VEPH1: variants seen among roughly 807,000 people sequenced by gnomAD.
VEPH1 encodes ventricular zone expressed PH domain containing 1.
A neutral mutation model predicts 85.2 loss-of-function variants in VEPH1; 80 were observed. The observed-to-expected ratio is 0.94, with a 90% confidence interval of 0.78 to 1.13. VEPH1 has a LOEUF of 1.13. VEPH1 is among the 50% of genes most tolerant of loss of function. The pLI is 0.00. For missense variants in VEPH1, 955 were observed against 980.5 expected, an observed-to-expected ratio of 0.97 and a Z score of 0.35; for synonymous variants, 297 against 348.0, an observed-to-expected ratio of 0.85 and a Z score of 1.63.
intron 12 of VEPH1, among the ~76,000 whole-genome samples, chr3:157,282,887 C>T (rs1716319073): frequency 6.6e-6 from 1 of 152,244 alleles, no homozygotes; most frequent in South Asian, 2.1e-4. Flanking sequence ...CTGCAATAAA[C>T]ACCACCAGGC....
chr3:157,410,318 T>C (rs1207490872), intron 6 of VEPH1, among the ~76,000 whole-genome samples: 2 of 152,142 alleles, frequency 1.3e-5, no homozygotes, highest in African/African-American at 4.8e-5. Context: ...GCTTTCCACA[T>C]AGAAAGTGGT....
intron 12 of VEPH1, among the ~76,000 whole-genome samples, chr3:157,265,948 C>T (rs1713581718): frequency 6.6e-6 from 1 of 151,146 alleles, no homozygotes. Flanking sequence ...GGATATTTAG[C>T]TTTCTGTGCT....
At chr3:157,354,122 G>A (rs762527960) in intron 9 of VEPH1, among the ~76,000 whole-genome samples, 3 of 152,088 alleles carry the variant, frequency 2.0e-5, no homozygotes, top group Middle Eastern at 3.2e-3. Context: ...CCAATGTGTC[G>A]CTGTGGTGAG....
intron 6 of VEPH1, among the ~76,000 whole-genome samples, chr3:157,393,455 A>C (rs1470495415): frequency 6.6e-6 from 1 of 152,190 alleles, no homozygotes; most frequent in Non-Finnish European, 1.5e-5. Context: ...AATTGTTATT[A>C]TTAGTATTAT....
At chr3:157,316,512 A>C (rs1720768812) in intron 10 of VEPH1, among the ~76,000 whole-genome samples, 1 of 150,068 alleles carries the variant, frequency 6.7e-6, no homozygotes, top group South Asian at 2.1e-4. Flanking sequence ...TTTTATGTGA[A>C]AGTTTAGTGC....
intron 4 of VEPH1, among the ~76,000 whole-genome samples, chr3:157,449,340 G>A (rs1412660017): frequency 6.6e-6 from 1 of 152,068 alleles, no homozygotes; most frequent in Non-Finnish European, 1.5e-5. Flanking sequence ...ACTTAGATTT[G>A]TTTTATGTAT....
chr3:157,381,577 G>C (rs1728780215), intron 6 of VEPH1: 1 of 564,978 alleles, frequency 1.8e-6, no homozygotes, highest in Non-Finnish European at 3.2e-6. Flanking sequence ...AAACTAGCCG[G>C]GCACAGTGGC....
intron 4 of VEPH1, chr3:157,437,751 G>A (rs1231300252): frequency 4.7e-6 from 7 of 1,491,034 alleles, no homozygotes; most frequent in Non-Finnish European, 6.2e-6. Context: ...TGCTGCAGGC[G>A]ACCCGCGACG....
intron 1 of VEPH1, among the ~76,000 whole-genome samples, chr3:157,500,093 T>C (rs1028774180): frequency 1.3e-5 from 2 of 152,218 alleles, no homozygotes; most frequent in African/African-American, 2.4e-5. Context: ...AAGCTATTCA[T>C]AGAAATCCAC....
intron 7 of VEPH1, among the ~76,000 whole-genome samples, chr3:157,378,669 C>T (rs1287489795): frequency 6.6e-6 from 1 of 152,168 alleles, no homozygotes; most frequent in African/African-American, 2.4e-5. Context: ...AATTTACCGA[C>T]TCTACCTCTG....
chr3:157,417,336 A>C (rs777126920), intron 5 of VEPH1, among the ~76,000 whole-genome samples: 5 of 152,180 alleles, frequency 3.3e-5, no homozygotes, highest in African/African-American at 4.8e-5. Flanking sequence ...CTAAGAATAT[A>C]GATTCTGGCT....
chr3:157,296,094 G>T (rs1718099702), intron 11 of VEPH1, among the ~76,000 whole-genome samples: 1 of 152,150 alleles, frequency 6.6e-6, no homozygotes, highest in Non-Finnish European at 1.5e-5. Context: ...AAATCACATT[G>T]CAAAAGATAT....
intron 4 of VEPH1, among the ~76,000 whole-genome samples, chr3:157,440,087 A>G (rs1258108220): frequency 2.6e-5 from 4 of 152,196 alleles, no homozygotes; most frequent in Non-Finnish European, 5.9e-5. Context: ...GCCCATGGAT[A>G]TGGTGATTTT....
At chr3:157,332,840 T>C (rs1345541667) in intron 9 of VEPH1, among the ~76,000 whole-genome samples, 1 of 152,228 alleles carries the variant, frequency 6.6e-6, no homozygotes, top group East Asian at 1.9e-4. Context: ...AATTATTTCC[T>C]TATTCTTACA....
At chr3:157,496,743 C>T (rs1045638994) in intron 1 of VEPH1, among the ~76,000 whole-genome samples, 1 of 152,198 alleles carries the variant, frequency 6.6e-6, no homozygotes, top group African/African-American at 2.4e-5. Flanking sequence ...ACATACTCTT[C>T]AAACACCATG....
chr3:157,350,288 A>G (rs2108704090), intron 9 of VEPH1, among the ~76,000 whole-genome samples: 1 of 152,336 alleles, frequency 6.6e-6, no homozygotes. Flanking sequence ...TCTTCAATAA[A>G]TGATGCTGCA....
chr3:157,310,832 A>G (rs2108503218), intron 11 of VEPH1, among the ~76,000 whole-genome samples: 1 of 152,268 alleles, frequency 6.6e-6, no homozygotes, highest in East Asian at 1.9e-4. Flanking sequence ...ATCCCCTCCC[A>G]TATTTCATTG....
In VEPH1 at chr3:157,497,893, G is replaced by T. The variant is rs1394318389; in HGVS notation, c.-157-2387C>A. ...TACAGGAAAGCTTTCACAAACATAGGGGTGGAGTGGGGAGAGGTGAGACTT... is the reference window on the plus strand; with the variant it reads ...TACAGGAAAGCTTTCACAAACATAGTGGTGGAGTGGGGAGAGGTGAGACTT... On this transcript the variant is annotated intron_variant, in intron 1 of 13. Coordinates refer to ENST00000362010, the MANE Select transcript of VEPH1 (RefSeq NM_001167912.2). Among the ~76,000 whole-genome samples the T allele has an allele frequency of 2.0e-5, 3 of 152,164 alleles. No individual in the cohort carries two copies. The East Asian group carries it at 5.8e-4, about 29-fold the overall frequency.
chr3:157,337,121 G>GTTTTTATATATTTATATATA (rs1723046293), intron 9 of VEPH1, among the ~76,000 whole-genome samples: 1 of 150,440 alleles, frequency 6.6e-6, no homozygotes, highest in African/African-American at 2.4e-5. Context: ...ATTTATATAT[G>GTTTTTATATATTTATATATA]TATATAAATT....
Sources: allele counts gnomAD v4.1 joint callset (sites outside exome capture counted in the v4.1 genomes callset), GRCh38; gene constraint gnomAD v4.1.1; transcripts MANE v1.5; gene names NCBI Gene and HGNC (gene_info 2026-07-23, HGNC 2026-07-21).